The following CDK19 variants were observed in gnomAD, a reference collection of about 807,000 sequenced individuals.
The protein encoded by CDK19 is cyclin dependent kinase 19.
A neutral mutation model predicts 68.3 loss-of-function variants in CDK19; 20 were observed. The observed-to-expected ratio is 0.29, with a 90% CI of 0.21 to 0.43. The LOEUF is 0.43. CDK19 is among the 20% of genes least tolerant of loss of function. CDK19 has a pLI of 1.00. For synonymous variants in CDK19, 221 were observed against 222.8 expected, an observed-to-expected ratio of 0.99 and a Z score of 0.07; for missense variants, 339 against 623.5, an observed-to-expected ratio of 0.54 and a Z score of 4.86.
At chr6:110,786,122 G>C (rs1026712976) in intron 1 of CDK19, among the ~76,000 whole-genome samples, 1 of 152,080 alleles carries the variant, frequency 6.6e-6, no homozygotes, top group Admixed American at 6.6e-5. Context: ...CTGTATCATA[G>C]AAGAGGAGAT....
At chr6:110,687,375 A>G (rs1772585711) in intron 2 of CDK19, among the ~76,000 whole-genome samples, 1 of 152,214 alleles carries the variant, frequency 6.6e-6, no homozygotes, top group Admixed American at 6.5e-5. Flanking sequence ...TTAGATCACT[A>G]TGCTTCTAGA....
intron 1 of CDK19, among the ~76,000 whole-genome samples, chr6:110,752,801 C>T (rs1778562665): frequency 6.6e-6 from 1 of 152,170 alleles, no homozygotes; most frequent in South Asian, 2.1e-4. Context: ...CTCTTGACCT[C>T]AAGCAATCCT....
At chr6:110,715,820 A>G (rs1196022599) in intron 2 of CDK19, among the ~76,000 whole-genome samples, 2 of 152,212 alleles carry the variant, frequency 1.3e-5, no homozygotes, top group Non-Finnish European at 2.9e-5. Context: ...AATGATCATC[A>G]AAGTCTCTGA....
intron 1 of CDK19, among the ~76,000 whole-genome samples, chr6:110,783,266 G>A (rs1020174316): frequency 6.6e-6 from 1 of 152,086 alleles, no homozygotes; most frequent in Non-Finnish European, 1.5e-5. Context: ...ACAACTTTTC[G>A]GAGTGTAATA....
At chr6:110,763,818 T>G (rs900864517) in intron 1 of CDK19, among the ~76,000 whole-genome samples, 5 of 152,108 alleles carry the variant, frequency 3.3e-5, no homozygotes, top group Non-Finnish European at 7.4e-5. Context: ...AATAAAACTT[T>G]GTTCACAGAC....
rs987949271 is a variant in CDK19 at position 110,659,285 on chromosome 6, G to A, written c.456+8149C>T. 3.3e-5 allele frequency among the ~76,000 whole-genome samples: 5 copies of A among 152,186 alleles called. No homozygotes were observed. In the South Asian group the frequency reaches 1.0e-3, roughly 31 times the overall value. On this transcript the variant is annotated intron_variant, in intron 4 of 12. Transcript: ENST00000368911. Reference sequence around the variant, plus strand: ...TCTAAGCACTTATTTTTAATCAAATGTTCAGAAAGATGAACAGTACAGCAT... The same window carrying A: ...TCTAAGCACTTATTTTTAATCAAATATTCAGAAAGATGAACAGTACAGCAT...
intron 4 of CDK19, among the ~76,000 whole-genome samples, chr6:110,658,414 T>TA (rs1446045845): frequency 6.6e-6 from 1 of 152,238 alleles, no homozygotes; most frequent in East Asian, 1.9e-4. Context: ...GATTAAGTCA[T>TA]ATTAAAAGAA....
At chr6:110,616,105 T>C (rs775469088) in intron 12 of CDK19, among the ~76,000 whole-genome samples, 4 of 152,168 alleles carry the variant, frequency 2.6e-5, no homozygotes, top group Non-Finnish European at 5.9e-5. Flanking sequence ...AATAAAACTC[T>C]GATGTCCCAT....
intron 2 of CDK19, chr6:110,670,932 G>A: frequency 5.4e-6 from 2 of 373,634 alleles, no homozygotes; most frequent in South Asian, 4.3e-5. Flanking sequence ...TAAAGAAACT[G>A]TTCCTTGGGA....
intron 2 of CDK19, 126 bp from the exon 3 acceptor site, chr6:110,670,667 A>G (rs1770916528): frequency 1.5e-6 from 1 of 669,972 alleles, no homozygotes; most frequent in South Asian, 1.7e-5. Flanking sequence ...AATGAAAGAA[A>G]AAAATACCAC....
intron 2 of CDK19, among the ~76,000 whole-genome samples, chr6:110,687,239 A>C (rs1235325439): frequency 6.6e-6 from 1 of 152,166 alleles, no homozygotes; most frequent in Non-Finnish European, 1.5e-5. Flanking sequence ...TTTTCAGGAC[A>C]TTGGGCATTA....
chr6:110,621,366 T>C lies in CDK19; in HGVS notation c.1115A>G (p.Gln372Arg). 6.5e-7 allele frequency: 1 copy of C among 1,541,454 alleles called. No homozygotes were observed. Among genetic ancestry groups the C allele is most frequent in the Non-Finnish European group, 8.7e-7 (1 of 1,147,266 alleles). Reference sequence around the variant, plus strand: ...CTGATGCTGGTTCTGCTGCTGTTGCTGATTCTTTTAAGGGGAAAAAAGCAA... The same window carrying C: ...CTGATGCTGGTTCTGCTGCTGTTGCCGATTCTTTTAAGGGGAAAAAAGCAA... The part of the protein sequence containing the change: ...DDPEEKGDKN[Q>R]QQQQNQHQQP... The change falls in exon 12 of 13, where the codon CAG becomes CGG. Residue 372 changes from glutamine (Q) to arginine (R), a missense_variant. Transcript: ENST00000368911. The surrounding 1 kb of genome is among the most constrained non-coding windows in gnomAD (Gnocchi z 5.4).
intron 1 of CDK19, among the ~76,000 whole-genome samples, chr6:110,798,166 T>A (rs373071998): frequency 4.5e-4 from 68 of 152,022 alleles, no homozygotes; most frequent in Middle Eastern, 3.4e-3. Flanking sequence ...AAGAGTTCCA[T>A]CCCAGGATGC....
chr6:110,625,690 G>A (rs536223838), intron 8 of CDK19, among the ~76,000 whole-genome samples: 1 of 152,068 alleles, frequency 6.6e-6, no homozygotes, highest in African/African-American at 2.4e-5. Context: ...CAAAATCATA[G>A]AGTCTGAATG....
intron 4 of CDK19, among the ~76,000 whole-genome samples, chr6:110,659,319 C>T (rs1252198880): frequency 6.6e-6 from 1 of 152,192 alleles, no homozygotes; most frequent in Non-Finnish European, 1.5e-5. Context: ...ATTTTTCTTA[C>T]AGCTGAGTGA....
intron 4 of CDK19, chr6:110,646,276 C>A: frequency 6.6e-7 from 1 of 1,506,980 alleles, no homozygotes; most frequent in East Asian, 2.5e-5. Flanking sequence ...GTGTGCTGCC[C>A]CGCCAACATG....
At chr6:110,716,443 C>T (rs1250280946) in intron 2 of CDK19, among the ~76,000 whole-genome samples, 1 of 151,792 alleles carries the variant, frequency 6.6e-6, no homozygotes, top group Non-Finnish European at 1.5e-5. Context: ...AAAAACCTAA[C>T]AAATGACTTA....
At chr6:110,774,856 G>C (rs981141311) in intron 1 of CDK19, among the ~76,000 whole-genome samples, 3 of 152,150 alleles carry the variant, frequency 2.0e-5, no homozygotes, top group African/African-American at 4.8e-5. Flanking sequence ...GGCTGAGGTG[G>C]GAGGATCACC....
rs115358738 is a variant in CDK19, at chr6:110,738,599, T to C, written c.204+7527A>G. ...ATTAAATAATCTTAATAAAACTAAATAGATATTTCTCACTATACATATAAT... is the reference window on the plus strand; with the variant it reads ...ATTAAATAATCTTAATAAAACTAAACAGATATTTCTCACTATACATATAAT... On this transcript the variant is annotated intron_variant, in intron 2 of 12. Coordinates refer to ENST00000368911, the MANE Select transcript of CDK19 (RefSeq NM_015076.5). Among the ~76,000 whole-genome samples, 871 of 152,142 alleles carry C rather than the reference T, an allele frequency of 5.7e-3. 7 individuals are homozygous for C. The highest frequency in any genetic ancestry group is 0.019 in the African/African-American group (791 of 41,526).
Sources: allele counts gnomAD v4.1 joint callset (sites outside exome capture counted in the v4.1 genomes callset), GRCh38; gene constraint gnomAD v4.1.1; non-coding constraint Gnocchi (gnomAD v3.1); transcripts MANE v1.5; gene names NCBI Gene and HGNC (gene_info 2026-07-23, HGNC 2026-07-21).